KIF5C: variants seen among roughly 807,000 people sequenced by gnomAD.
KIF5C encodes kinesin heavy chain isoform 5C.
In KIF5C, 18 loss-of-function variants were observed where a neutral mutation model predicts 125.2. That is an observed-to-expected ratio of 0.14 (90% CI 0.10 to 0.21). The LOEUF is 0.21. Among genes scored for constraint, KIF5C ranks in the 10% least tolerant of loss-of-function variants. The probability of loss-of-function intolerance (pLI) is 1.00; values close to 1 mark genes in which losing one functional copy is unlikely to be tolerated. For missense variants in KIF5C, 780 were observed against 1,183.8 expected, an observed-to-expected ratio of 0.66 and a Z score of 5.01; for synonymous variants, 405 against 434.0, an observed-to-expected ratio of 0.93 and a Z score of 0.83.
intron 11 of KIF5C, among the ~76,000 whole-genome samples, chr2:148,967,101 A>G (rs1055857508): frequency 6.6e-6 from 1 of 152,174 alleles, no homozygotes; most frequent in African/African-American, 2.4e-5. Context: ...CATATCACAT[A>G]TACTACACTA....
At chr2:148,955,865 T>TA (rs1177024600) in intron 10 of KIF5C, among the ~76,000 whole-genome samples, 10 of 152,154 alleles carry the variant, frequency 6.6e-5, no homozygotes, top group African/African-American at 2.4e-4. Flanking sequence ...TAGAGCTCCT[T>TA]ATTCAAATGC....
intron 12 of KIF5C, among the ~76,000 whole-genome samples, chr2:148,974,973 G>A (rs1300543401): frequency 1.3e-5 from 2 of 152,238 alleles, no homozygotes; most frequent in Non-Finnish European, 2.9e-5. Flanking sequence ...GTAGTGATTA[G>A]GACAGAGAGA....
chr2:148,902,613 G>A (rs192410226), intron 1 of KIF5C, among the ~76,000 whole-genome samples: 20 of 152,226 alleles, frequency 1.3e-4, no homozygotes, highest in African/African-American at 4.6e-4. Context: ...CACTGCCCTC[G>A]GCCCAGGAAC....
chr2:148,965,170 C>T (rs1029243057), intron 11 of KIF5C, among the ~76,000 whole-genome samples: 1 of 151,874 alleles, frequency 6.6e-6, no homozygotes, highest in Non-Finnish European at 1.5e-5. Context: ...TTAGGGTCCC[C>T]GTGGAACATC....
At chr2:148,915,669 G>A (rs986887788) in intron 1 of KIF5C, among the ~76,000 whole-genome samples, 1 of 152,228 alleles carries the variant, frequency 6.6e-6, no homozygotes, top group African/African-American at 2.4e-5. Flanking sequence ...GGAGCAAAAT[G>A]TCTTGAATTT....
At chr2:148,892,224 C>T (rs986029287) in intron 1 of KIF5C, among the ~76,000 whole-genome samples, 1 of 152,192 alleles carries the variant, frequency 6.6e-6, no homozygotes, top group Non-Finnish European at 1.5e-5. Context: ...TGTTTGAGTG[C>T]ACAGCATTTT....
At chr2:149,011,277 C>T (rs111387271) in intron 24 of KIF5C, among the ~76,000 whole-genome samples, 8 of 152,324 alleles carry the variant, frequency 5.3e-5, no homozygotes, top group African/African-American at 1.4e-4. Context: ...GGGGAACCTA[C>T]GATCCATTTC....
At chr2:148,920,542 T>G (rs907905929) in intron 1 of KIF5C, among the ~76,000 whole-genome samples, 5 of 152,134 alleles carry the variant, frequency 3.3e-5, no homozygotes, top group African/African-American at 1.2e-4. Context: ...ATGACTCTGG[T>G]TCTGCTGCTT....
chr2:148,959,224 G>T (rs1033272579), intron 10 of KIF5C, among the ~76,000 whole-genome samples: 4 of 152,144 alleles, frequency 2.6e-5, no homozygotes, highest in African/African-American at 9.7e-5. Context: ...ACTGTCATCT[G>T]AGTGCCTGTT....
chr2:148,991,277 G>A (rs1044766068), intron 16 of KIF5C, 79 bp downstream of exon 16: 17 of 1,513,276 alleles, frequency 1.1e-5, no homozygotes, highest in Non-Finnish European at 1.3e-5. Context: ...GGTGCTGATG[G>A]TGCACCTTAG....
chr2:149,009,822 C>G (rs1682128934), intron 23 of KIF5C, among the ~76,000 whole-genome samples: 1 of 152,176 alleles, frequency 6.6e-6, no homozygotes, highest in Non-Finnish European at 1.5e-5. Context: ...TTTTCTCACA[C>G]AATCCCCCTT....
chr2:148,922,266 A>G, intron 2 of KIF5C, 39 bp downstream of exon 2: 1 of 1,341,308 alleles, frequency 7.5e-7, no homozygotes, highest in Non-Finnish European at 1.1e-6. Flanking sequence ...GGCCATTCAG[A>G]GTAATTGAAA....
At chr2:148,900,188 T>C (rs149471081) in intron 1 of KIF5C, among the ~76,000 whole-genome samples, 24 of 152,330 alleles carry the variant, frequency 1.6e-4, no homozygotes, top group African/African-American at 4.6e-4. Context: ...TGTCTCTATT[T>C]TGCCAGTGCC....
intron 15 of KIF5C, among the ~76,000 whole-genome samples, chr2:148,985,710 A>G (rs1474021282): frequency 6.6e-6 from 1 of 152,154 alleles, no homozygotes; most frequent in East Asian, 1.9e-4. Flanking sequence ...TAGTGGGGAC[A>G]CTCAGGTCGT....
chr2:148,981,601 T>C, intron 14 of KIF5C, 40 bp downstream of exon 14: 1 of 1,539,476 alleles, frequency 6.5e-7, no homozygotes, highest in Non-Finnish European at 8.8e-7. Flanking sequence ...CTTCCTTGGC[T>C]GCCGTTCCTG....
chr2:149,011,913 G>C (rs759716386), intron 25 of KIF5C, among the ~76,000 whole-genome samples: 1 of 152,174 alleles, frequency 6.6e-6, no homozygotes, highest in African/African-American at 2.4e-5. Context: ...AGCCAGGCCC[G>C]GCCTAATCCC....
At chr2:148,919,689 C>T (rs1434579963) in intron 1 of KIF5C, among the ~76,000 whole-genome samples, 1 of 152,084 alleles carries the variant, frequency 6.6e-6, no homozygotes, top group Non-Finnish European at 1.5e-5. Flanking sequence ...ACAGCTATGC[C>T]CCAAGTCAGT....
chr2:148,988,258 A>C (rs1681436156), intron 15 of KIF5C, among the ~76,000 whole-genome samples: 2 of 152,270 alleles, frequency 1.3e-5, no homozygotes, highest in Admixed American at 6.5e-5. Context: ...CTCACAGTTA[A>C]AACCCCTTTG....
intron 1 of KIF5C, among the ~76,000 whole-genome samples, chr2:148,921,653 A>G (rs1012876417): frequency 6.6e-6 from 1 of 152,160 alleles, no homozygotes; most frequent in African/African-American, 2.4e-5. Flanking sequence ...CTTCTTCACC[A>G]GGCTTTCCTT....
Sources: allele counts gnomAD v4.1 joint callset (sites outside exome capture counted in the v4.1 genomes callset), GRCh38; gene constraint gnomAD v4.1.1; transcripts MANE v1.5; gene names NCBI Gene and HGNC (gene_info 2026-07-23, HGNC 2026-07-21).